Variants in BTN3A1 observed in about 807,000 individuals in gnomAD.
BTN3A1 encodes dJ45P21.3 (butyrophilin, subfamily 3, member A1).
Under a neutral mutation model 43.0 loss-of-function variants are expected in BTN3A1, and 24 were observed. That is an observed-to-expected ratio of 0.56 (90% CI 0.40 to 0.78). The LOEUF (loss-of-function observed/expected upper bound fraction) is 0.78. Ranked by LOEUF, BTN3A1 falls within the 30% of genes least tolerant of loss-of-function variation. The pLI is 0.00. For synonymous variants in BTN3A1, 181 were observed against 234.7 expected, an observed-to-expected ratio of 0.77 and a Z score of 2.09; for missense variants, 533 against 626.2, an observed-to-expected ratio of 0.85 and a Z score of 1.59.
At chr6:26,411,768 C>T (rs1317010688) in intron 9 of BTN3A1, 187 bp downstream of exon 9, 16 of 671,044 alleles carry the variant, frequency 2.4e-5, no homozygotes, top group Non-Finnish European at 3.7e-5. Flanking sequence ...CTGCTGAGAG[C>T]CCAGGGAACC....
Position 26,411,153 on chromosome 6 carries a change from T to C in BTN3A1, c.991+18T>C, listed in dbSNP as rs772098149. The C allele has an allele frequency of 1.2e-6, 2 of 1,607,706 alleles. No individual in the cohort carries two copies. Among genetic ancestry groups the C allele is most frequent in the Admixed American group, 3.4e-5 (2 of 58,412 alleles). ...CTATAATGGTGAGTGAACCTGATGC[T>C]CTCTGAGTTTGCTGGGACACGTGCC... On this transcript the variant is annotated intron_variant, in intron 8 of 9. Coordinates refer to ENST00000289361, the MANE Select transcript of BTN3A1 (RefSeq NM_007048.6).
At chr6:26,405,286 T>G in intron 1 of BTN3A1, 86 bp from the exon 2 acceptor site, 1 of 496,778 alleles carries the variant, frequency 2.0e-6, no homozygotes. Flanking sequence ...GGGGAAGTCA[T>G]AGGATTCTGA....
Position 26,409,970 on chromosome 6 carries a change from G to A in BTN3A1, c.938-36G>A, listed in dbSNP as rs530915698. On this transcript the variant is annotated intron_variant, in intron 6 of 9. Transcript: ENST00000289361. ...ATGTCTTCCTGTCCCTGCTTTATGCGCCTTGATGCATCTTCCCCTGTTCCT... is the reference window on the plus strand; with the variant it reads ...ATGTCTTCCTGTCCCTGCTTTATGCACCTTGATGCATCTTCCCCTGTTCCT... 180 of 1,614,048 alleles carry A rather than the reference G, an allele frequency of 1.1e-4. 1 individual carries two copies. The South Asian group carries it at 1.2e-3, about 11-fold the overall frequency.
At chr6:26,411,356 C>A (rs1345291838) in intron 8 of BTN3A1, among the ~76,000 whole-genome samples, 199 bp from the exon 9 acceptor site, 1 of 152,138 alleles carries the variant, frequency 6.6e-6, no homozygotes, top group Non-Finnish European at 1.5e-5. Flanking sequence ...GCAGCCTGTA[C>A]CCTTCATTGC....
At chr6:26,410,969 T>G in intron 7 of BTN3A1, 140 bp from the exon 8 acceptor site, 1 of 624,772 alleles carries the variant, frequency 1.6e-6, no homozygotes, top group Non-Finnish European at 2.4e-6. Context: ...ATAGAAAGAA[T>G]TGAACCTGCA....
chr6:26,404,989 G>A (rs1207223139), intron 1 of BTN3A1, among the ~76,000 whole-genome samples: 2 of 152,190 alleles, frequency 1.3e-5, no homozygotes, highest in South Asian at 2.1e-4. Context: ...AGGTAAGTAA[G>A]GCCTGGTCTT....
chr6:26,413,285 A>C lies in BTN3A1; in HGVS notation c.1135A>C (p.Asn379His). 6.2e-7 allele frequency: 1 copy of C among 1,614,202 alleles called. No homozygotes were observed. Among genetic ancestry groups the C allele is most frequent in the Admixed American group, 1.7e-5 (1 of 60,026 alleles). Reference sequence around the variant, plus strand: ...TCTGCCAGACAACCCTGAGAGATTTAATTGGCATTATTGTGTTCTCGGCTG... The same window carrying C: ...TCTGCCAGACAACCCTGAGAGATTTCATTGGCATTATTGTGTTCTCGGCTG... The part of the protein sequence containing the change: ...QDLPDNPERF[N>H]WHYCVLGCES... The change falls in exon 10 of 10, where the codon AAT (asparagine) becomes CAT (histidine). Residue 379 changes from asparagine (N) to histidine (H), a missense_variant. Asn to His is a moderately conservative substitution (Grantham distance 68). Coordinates refer to ENST00000289361, the MANE Select transcript of BTN3A1 (RefSeq NM_007048.6).
Position 26,407,781 on chromosome 6 carries a change from A to T in BTN3A1, c.544A>T (p.Asn182Tyr). Residue 182 changes from asparagine to tyrosine, a missense_variant, in exon 4 of 10, where the codon AAC becomes TAC. This residue lies in a region of BTN3A1 where 415 missense variants were observed against 427.0 expected (regional missense o/e 0.97). Coordinates refer to ENST00000289361, the MANE Select transcript of BTN3A1 (RefSeq NM_007048.6). ...YPQPQIQWSNNKGENIPTVEA... is the reference protein window; with the variant it reads ...YPQPQIQWSNYKGENIPTVEA... ...CCAACCCCAAATACAGTGGAGCAAC[A>T]ACAAGGGAGAGAACATCCCGACTGT... The T allele has an allele frequency of 6.2e-7, 1 of 1,614,230 alleles. No homozygotes were observed. The highest frequency in any genetic ancestry group is 8.5e-7 in the Non-Finnish European group (1 of 1,180,050).
In BTN3A1 at chr6:26,413,188, A is replaced by C; in HGVS notation, c.1038A>C (p.Pro346=). ...CTGCAGCGGATGTGATTCTGGATCC[A>C]AAAACAGCAAACCCCATCCTCCTTG... ...LFKPADVILD[P]KTANPILLVS... Residue 346 remains proline (P), a synonymous_variant, in exon 10 of 10, where the codon CCA becomes CCC. Transcript: ENST00000289361. The C allele has an allele frequency of 1.9e-6, 3 of 1,611,808 alleles. No individual in the cohort carries two copies. The highest frequency in any genetic ancestry group is 2.5e-6 in the Non-Finnish European group (3 of 1,178,774).
intron 2 of BTN3A1, 32 bp downstream of exon 2, chr6:26,405,680 C>T (rs753542420): frequency 3.1e-6 from 5 of 1,610,642 alleles, no homozygotes; most frequent in Non-Finnish European, 1.7e-6. Flanking sequence ...GTTTCTGAAG[C>T]AGACAATTAC....
At chr6:26,411,437 C>A in intron 8 of BTN3A1, 118 bp from the exon 9 acceptor site, 2 of 1,301,308 alleles carry the variant, frequency 1.5e-6, no homozygotes, top group Non-Finnish European at 2.2e-6. Context: ...AAGAGGGAGG[C>A]TGGACCCTGG....
At chr6:26,410,785 A>G (rs903637579) in intron 7 of BTN3A1, among the ~76,000 whole-genome samples, 3 of 150,082 alleles carry the variant, frequency 2.0e-5, no homozygotes, top group Non-Finnish European at 3.0e-5. Context: ...ATGTATATAT[A>G]TATGTGTATA....
At position 26,414,336 on chromosome 6, in the gene BTN3A1, G is replaced by T. The variant is rs1762321756; in HGVS notation, c.*644G>T. 1 of 158,748 alleles carries T rather than the reference G, an allele frequency of 6.3e-6. No homozygotes were observed. Among genetic ancestry groups the T allele is most frequent in the African/African-American group, 2.4e-5 (1 of 41,456 alleles). 9.8% of individuals were successfully genotyped at this position (158,748 alleles called of 1,614,324 possible). A position where few individuals can be genotyped will look rare whatever the true frequency, so the allele number is the denominator to read the frequency against. On this transcript the variant is annotated 3_prime_UTR_variant, in exon 10 of 10. Coordinates refer to ENST00000289361, the MANE Select transcript of BTN3A1 (RefSeq NM_007048.6). ...TGTAGCCCTGAGGTTCTTTTCCCAG[G>T]ATGGCTCCAGGATAAGGATCACTGT...
rs1319269284 is a variant in BTN3A1, at chr6:26,407,781, A to G, written c.544A>G (p.Asn182Asp). 1 of 1,614,230 alleles carries G rather than the reference A, an allele frequency of 6.2e-7. No individual in the cohort carries two copies. Residue 182 changes from asparagine to aspartate, a missense_variant, in exon 4 of 10, where the codon AAC becomes GAC. Coordinates refer to ENST00000289361, the MANE Select transcript of BTN3A1 (RefSeq NM_007048.6). ...YPQPQIQWSN[N>D]KGENIPTVEA... ...CCAACCCCAAATACAGTGGAGCAACAACAAGGGAGAGAACATCCCGACTGT... is the reference window on the plus strand; with the variant it reads ...CCAACCCCAAATACAGTGGAGCAACGACAAGGGAGAGAACATCCCGACTGT...
rs1358593797 is a variant in BTN3A1 at position 26,406,154 on chromosome 6, C to G, written c.331C>G (p.Leu111Val). 6.6e-7 allele frequency: 1 copy of G among 1,516,176 alleles called. No individual in the cohort carries two copies. Among genetic ancestry groups the G allele is most frequent in the East Asian group, 2.3e-5 (1 of 44,194 alleles). 93.9% of individuals were successfully genotyped at this position (1,516,176 alleles called of 1,614,324 possible). Residue 111 changes from leucine (L) to valine (V), a missense_variant, in exon 3 of 10, where the codon CTC becomes GTC. By Grantham distance (32) the Leu-to-Val change is conservative. Around this residue, in one of 4 missense-constraint regions of BTN3A1, gnomAD observed 51 missense variants for 90.9 expected, o/e 0.56. Coordinates refer to ENST00000289361, the MANE Select transcript of BTN3A1 (RefSeq NM_007048.6). ...TGGCATCACTGCAGGGAAGGCTGCT[C>G]TCCGAATACACAACGTCACAGCCTC... The part of the protein sequence containing the change: ...RDGITAGKAA[L>V]RIHNVTASDS...
At chr6:26,412,814 G>A in intron 9 of BTN3A1, 2 of 1,549,976 alleles carry the variant, frequency 1.3e-6, no homozygotes, top group South Asian at 2.4e-5. Flanking sequence ...TCGAATGAAG[G>A]TTGAAAATTA....
intron 1 of BTN3A1, among the ~76,000 whole-genome samples, chr6:26,403,200 A>G (rs914958777): frequency 1.3e-5 from 2 of 151,952 alleles, no homozygotes; most frequent in African/African-American, 4.8e-5. Flanking sequence ...TGGGTAGCTG[A>G]GATTACAGGT....
At chr6:26,411,030 ATGG>A in intron 7 of BTN3A1, 76 bp from the exon 8 acceptor site, 1 of 785,656 alleles carries the variant, frequency 1.3e-6, no homozygotes, top group Non-Finnish European at 2.0e-6. Flanking sequence ...AAAAGATTAG[ATGG>A]ATGTAAAGTT....
chr6:26,413,671 CCTGA>C lies in BTN3A1; in HGVS notation c.1524_1527del (p.Thr509PhefsTer18), dbSNP rs1762300642. 2 of 1,613,414 alleles carry C rather than the reference CCTGA, an allele frequency of 1.2e-6. No individual in the cohort carries two copies. On this transcript the variant is annotated frameshift_variant, in exon 10 of 10. Transcript: ENST00000289361. LOFTEE classifies it high-confidence loss of function. ...GAATTTTGACCTTGGAGCCCACGGC[CCTGA>C]CTATTTGTCCAGCGTGAAAAGAAGA...
Sources: allele counts gnomAD v4.1 joint callset (sites outside exome capture counted in the v4.1 genomes callset), GRCh38; gene constraint gnomAD v4.1.1; regional missense constraint gnomAD v4.1.1; transcripts MANE v1.5; gene names NCBI Gene and HGNC (gene_info 2026-07-23, HGNC 2026-07-21).